The following NTRK3 variants were observed in gnomAD, a reference collection of about 807,000 sequenced individuals.
NTRK3 encodes NT-3 growth factor receptor.
In NTRK3, 24 loss-of-function variants were observed where a neutral mutation model predicts 91.7. The ratio of observed to expected loss-of-function variants is 0.26; its 90% CI spans 0.19 to 0.37. The LOEUF is 0.37. Ranked by LOEUF, NTRK3 falls within the 10% of genes least tolerant of loss-of-function variation. The pLI, the probability that NTRK3 is intolerant of heterozygous loss-of-function variation, is 1.00. For synonymous variants in NTRK3, 483 were observed against 404.0 expected (o/e 1.20, Z -2.34); for missense variants, 880 against 1,068.9 (o/e 0.82, Z 2.46).
rs774935564 is a variant in NTRK3, at chr15:88,128,702, C to G, written c.1228+9G>C. The G allele has an allele frequency of 1.2e-6, 2 of 1,613,774 alleles. No homozygotes were observed. The highest frequency in any genetic ancestry group is 4.5e-5 in the East Asian group (2 of 44,884). The stretch of plus-strand genomic sequence containing the variant: ...ATCAGTTTCAAAGCAACAGGTAAAG[C>G]AGACTTACACAAGATAAAGTTATCC... On this transcript the variant is annotated intron_variant, in intron 11 of 18. Coordinates refer to ENST00000394480, the Ensembl canonical transcript of NTRK3.
chr15:88,150,729 T>C (rs1286133197), intron 5 of NTRK3, among the ~76,000 whole-genome samples: 2 of 152,002 alleles, frequency 1.3e-5, no homozygotes, highest in East Asian at 3.9e-4. Context: ...AGACACACAG[T>C]AGAAGCACCA....
intron 5 of NTRK3, among the ~76,000 whole-genome samples, chr15:88,175,011 T>C (rs13329385): frequency 0.31 from 47,843 of 152,130 alleles, 8,856 homozygotes; most frequent in African/African-American, 0.52. Context: ...TCTCTCTCAT[T>C]TGTGTTCTGA....
exon 14 of NTRK3, chr15:88,032,969 G>T (rs1271928420): frequency 1.2e-6 from 2 of 1,612,472 alleles, no homozygotes; most frequent in Non-Finnish European, 1.7e-6. Flanking sequence ...CCAGTGACGA[G>T]GGCGTGGTGA....
In NTRK3 at chr15:88,032,655, C is replaced by T. The variant is rs74027762; in HGVS notation, c.1585+202G>A. ...GAAGCAGATTCAGACCCACAGGACC[C>T]CCTTCGCAGAGGACTCTGGTCCCGG... On this transcript the variant is annotated intron_variant, in intron 14 of 18. Transcript: ENST00000394480. Among the ~76,000 whole-genome samples the T allele has an allele frequency of 0.15, 22,664 of 152,028 alleles. 2,412 individuals carry two copies. The highest frequency in any genetic ancestry group is 0.3 in the African/African-American group (12,598 of 41,434).
chr15:87,940,554 G>A (rs2069731220), intron 15 of NTRK3, 69 bp downstream of exon 15: 1 of 1,603,824 alleles, frequency 6.2e-7, no homozygotes, highest in Middle Eastern at 2.2e-4. Context: ...AATGGAGGGA[G>A]CCTCTTCCTT....
rs1450839190 is a variant in NTRK3 at position 88,241,927 on chromosome 15, A to T, written c.248+13979T>A. The stretch of plus-strand genomic sequence containing the variant: ...CGGCTGCACACATCCTAGAACGACA[A>T]TGGAGACCTAGGGACAATGGAGACC... On this transcript the variant is annotated intron_variant, in intron 3 of 18. Coordinates refer to ENST00000394480, the Ensembl canonical transcript of NTRK3. The surrounding 1 kb of genome is among the most constrained non-coding windows in gnomAD (Gnocchi z 4.3). 6.6e-6 allele frequency among the ~76,000 whole-genome samples: 1 copy of T among 152,182 alleles called. No homozygotes were observed. The highest frequency in any genetic ancestry group is 1.5e-5 in the Non-Finnish European group (1 of 68,020).
intron 14 of NTRK3, among the ~76,000 whole-genome samples, chr15:87,949,637 C>CA (rs1317240715): frequency 6.6e-6 from 1 of 152,140 alleles, no homozygotes; most frequent in Non-Finnish European, 1.5e-5. Flanking sequence ...AGTGCTACCC[C>CA]ACCATGCTCC....
chr15:88,231,481 A>G (rs766487422), intron 3 of NTRK3, among the ~76,000 whole-genome samples: 3 of 152,054 alleles, frequency 2.0e-5, no homozygotes, highest in Non-Finnish European at 4.4e-5. Flanking sequence ...ACACACACAC[A>G]CACACACACA....
intron 14 of NTRK3, among the ~76,000 whole-genome samples, chr15:88,018,926 TC>T (rs1424082507): frequency 6.6e-6 from 1 of 151,966 alleles, no homozygotes; most frequent in Admixed American, 6.6e-5. Context: ...CTCCCCCTTT[TC>T]CCCTCTCTTC....
At chr15:87,984,291 G>T (rs1025903843) in intron 14 of NTRK3, among the ~76,000 whole-genome samples, 4 of 152,210 alleles carry the variant, frequency 2.6e-5, no homozygotes, top group African/African-American at 7.2e-5. Context: ...GGTGAAGAAA[G>T]GATTCCTCAT....
At chr15:88,078,954 G>T (rs1036897510) in intron 13 of NTRK3, among the ~76,000 whole-genome samples, 12 of 152,264 alleles carry the variant, frequency 7.9e-5, no homozygotes, top group African/African-American at 2.9e-4. Flanking sequence ...GGGCACCCCA[G>T]TGGGTCTGAA....
intron 3 of NTRK3, chr15:88,253,414 C>T (rs756615951): frequency 1.3e-5 from 2 of 152,282 alleles, no homozygotes; most frequent in Non-Finnish European, 2.9e-5. Context: ...GGGCAAGTGA[C>T]CTTACCACCC....
exon 19 of NTRK3, chr15:87,861,597 C>T (rs1490778727): frequency 5.2e-6 from 1 of 193,640 alleles, no homozygotes; most frequent in Non-Finnish European, 1.1e-5. Context: ...AAAACAAGTC[C>T]CTTTCACTTA....
intron 3 of NTRK3, among the ~76,000 whole-genome samples, chr15:88,250,937 C>T (rs1210641447): frequency 6.6e-6 from 1 of 152,248 alleles, no homozygotes; most frequent in African/African-American, 2.4e-5. Flanking sequence ...TCTTCTCACA[C>T]CCAGTGGAGA....
chr15:87,996,637 G>T (rs777548639), intron 14 of NTRK3, among the ~76,000 whole-genome samples: 7 of 152,176 alleles, frequency 4.6e-5, no homozygotes, highest in Non-Finnish European at 1.0e-4. Context: ...GCTTAAAGAA[G>T]TGTGGCAATG....
chr15:88,202,905 G>T (rs958050865), intron 3 of NTRK3, among the ~76,000 whole-genome samples: 1 of 152,214 alleles, frequency 6.6e-6, no homozygotes, highest in Non-Finnish European at 1.5e-5. Flanking sequence ...AGGAGAATCT[G>T]GTTGGGCAGG....
chr15:87,984,030 C>T (rs2074522120), intron 14 of NTRK3, among the ~76,000 whole-genome samples: 1 of 152,166 alleles, frequency 6.6e-6, no homozygotes, highest in African/African-American at 2.4e-5. Flanking sequence ...TCTGTCTGGT[C>T]ACGGACCCCT....
chr15:88,215,148 G>A (rs368606039), intron 3 of NTRK3, among the ~76,000 whole-genome samples: 91 of 152,300 alleles, frequency 6.0e-4, no homozygotes, highest in African/African-American at 2.0e-3. Context: ...TGGGTTTGCC[G>A]TCTAGCATTT....
chr15:88,033,848 A>C (rs2078826269), intron 13 of NTRK3, among the ~76,000 whole-genome samples: 1 of 152,166 alleles, frequency 6.6e-6, no homozygotes, highest in South Asian at 2.1e-4. Flanking sequence ...CTTATGTAGC[A>C]ACAATAGGAT....
Sources: gnomAD v4.1 joint callset for allele counts (sites outside exome capture counted in the v4.1 genomes callset) on GRCh38, gnomAD v4.1.1 for gene constraint, Gnocchi (gnomAD v3.1) non-coding constraint, MANE v1.5 for transcripts, NCBI Gene and HGNC (gene_info 2026-07-23, HGNC 2026-07-21) for gene names.